Variants in CACHD1 observed in about 807,000 individuals in gnomAD.
CACHD1 encodes cache domain containing 1.
In CACHD1, 71 loss-of-function variants were observed where a neutral mutation model predicts 138.7. The ratio of observed to expected loss-of-function variants is 0.51; its 90% CI spans 0.42 to 0.62. The LOEUF (loss-of-function observed/expected upper bound fraction) is 0.62. Among genes scored for constraint, CACHD1 ranks in the 20% least tolerant of loss-of-function variants. The pLI is 0.00. For synonymous variants in CACHD1, 578 were observed against 591.5 expected (o/e 0.98, Z 0.33); for missense variants, 1,389 against 1,625.3 (o/e 0.85, Z 2.50).
intron 3 of CACHD1, among the ~76,000 whole-genome samples, chr1:64,587,969 C>G (rs967438037): frequency 6.6e-6 from 1 of 151,684 alleles, no homozygotes; most frequent in African/African-American, 2.4e-5. Context: ...TATCTCTCCT[C>G]TCTTGAAAAA....
intron 1 of CACHD1, among the ~76,000 whole-genome samples, chr1:64,522,659 G>T (rs1040768955): frequency 4.6e-5 from 7 of 152,042 alleles, no homozygotes; most frequent in African/African-American, 1.7e-4. Context: ...GGTGGTTGAA[G>T]GATACAGGGA....
At chr1:64,618,626 G>GT (rs1647799288) in intron 4 of CACHD1, among the ~76,000 whole-genome samples, 1 of 152,176 alleles carries the variant, frequency 6.6e-6, no homozygotes, top group Non-Finnish European at 1.5e-5. Flanking sequence ...TACTCAAGAT[G>GT]TAAGTGGGAA....
intron 26 of CACHD1, among the ~76,000 whole-genome samples, chr1:64,683,404 G>A (rs1455526991): frequency 6.6e-6 from 1 of 152,184 alleles, no homozygotes; most frequent in Non-Finnish European, 1.5e-5. Context: ...GGCTACTAAA[G>A]TTCAACAGAA....
At chr1:64,524,780 C>CATG (rs1002009885) in intron 1 of CACHD1, among the ~76,000 whole-genome samples, 2 of 152,140 alleles carry the variant, frequency 1.3e-5, no homozygotes, top group Non-Finnish European at 2.9e-5. Flanking sequence ...AGCAAAGACA[C>CATG]ATGATGATGA....
At chr1:64,514,932 A>C (rs1646448075) in intron 1 of CACHD1, among the ~76,000 whole-genome samples, 1 of 152,172 alleles carries the variant, frequency 6.6e-6, no homozygotes, top group African/African-American at 2.4e-5. Context: ...AGCAAAGTTG[A>C]CTGGTTCCTA....
chr1:64,658,654 C>A, intron 12 of CACHD1, 51 bp from the exon 13 acceptor site: 1 of 1,427,668 alleles, frequency 7.0e-7, no homozygotes. Context: ...AGTCCCTGTC[C>A]CCATGGAACC....
At chr1:64,632,263 A>G (rs1301703380) in intron 5 of CACHD1, among the ~76,000 whole-genome samples, 1 of 24,446 alleles carries the variant, frequency 4.1e-5, no homozygotes, top group Admixed American at 3.6e-4. Context: ...TCTGAAAAAA[A>G]AAAAAAAAAA....
chr1:64,591,242 A>G (rs904655784), intron 3 of CACHD1, among the ~76,000 whole-genome samples: 3 of 152,200 alleles, frequency 2.0e-5, no homozygotes, highest in African/African-American at 7.2e-5. Flanking sequence ...GGAATGGTTT[A>G]TGGAAGAAAC....
At chr1:64,512,522 T>G (rs1646429510) in intron 1 of CACHD1, among the ~76,000 whole-genome samples, 1 of 151,922 alleles carries the variant, frequency 6.6e-6, no homozygotes, top group South Asian at 2.1e-4. Context: ...GAGAGGCTAC[T>G]GCAGGCCAAC....
chr1:64,537,772 T>A (rs2100420079), intron 1 of CACHD1, among the ~76,000 whole-genome samples: 1 of 152,296 alleles, frequency 6.6e-6, no homozygotes, highest in East Asian at 1.9e-4. Flanking sequence ...ATGCAAGAAA[T>A]AAGTGCTATA....
chr1:64,660,561 G>A (rs1649408222), intron 13 of CACHD1, among the ~76,000 whole-genome samples: 2 of 148,406 alleles, frequency 1.3e-5, no homozygotes, highest in African/African-American at 5.0e-5. Context: ...AGGGAGTTTT[G>A]CTCTTGTCAC....
At chr1:64,505,603 G>A (rs4347243) in intron 1 of CACHD1, among the ~76,000 whole-genome samples, 79,091 of 115,276 alleles carry the variant, frequency 0.69, 26,458 homozygotes, top group East Asian at 0.81. Flanking sequence ...CCCTCCCTGG[G>A]CACACCCTAT....
At chr1:64,676,101 T>A (rs1404166256) in intron 21 of CACHD1, 118 bp downstream of exon 21, 1 of 342,980 alleles carries the variant, frequency 2.9e-6, no homozygotes, top group Non-Finnish European at 4.9e-6. Context: ...TAAAGATGAT[T>A]CATTCTAATG....
At chr1:64,483,500 A>C (rs771770499) in intron 1 of CACHD1, among the ~76,000 whole-genome samples, 36 of 151,946 alleles carry the variant, frequency 2.4e-4, no homozygotes, top group Non-Finnish European at 4.9e-4. Flanking sequence ...ATACATTGTA[A>C]ATTTTGAGTA....
At chr1:64,681,958 G>T (rs41309163) in intron 25 of CACHD1, 47 bp from the exon 26 acceptor site, 2 of 1,503,030 alleles carry the variant, frequency 1.3e-6, no homozygotes, top group South Asian at 2.3e-5. Context: ...TGAAACAATG[G>T]AGATACTGGC....
chr1:64,518,865 AGTTGGAGCCTTT>A (rs1461971381), intron 1 of CACHD1, among the ~76,000 whole-genome samples: 1 of 152,086 alleles, frequency 6.6e-6, no homozygotes, highest in Non-Finnish European at 1.5e-5. Context: ...ATTCCCTGGG[AGTTGGAGCCTTT>A]GTCTTTCTGT....
intron 3 of CACHD1, among the ~76,000 whole-genome samples, chr1:64,586,504 C>CT (rs59646985): frequency 0.044 from 6,708 of 151,534 alleles, 521 homozygotes; most frequent in African/African-American, 0.15. Context: ...TGGTTAAAAA[C>CT]TTTTTTTTTA....
intron 1 of CACHD1, among the ~76,000 whole-genome samples, chr1:64,530,567 A>C (rs1358587127): frequency 6.6e-6 from 1 of 151,910 alleles, no homozygotes; most frequent in Non-Finnish European, 1.5e-5. Context: ...CTTCCCTGGA[A>C]TGGTTACTTA....
intron 4 of CACHD1, among the ~76,000 whole-genome samples, chr1:64,609,669 CAT>C (rs1647460124): frequency 2.0e-5 from 3 of 152,096 alleles, no homozygotes; most frequent in African/African-American, 7.2e-5. Flanking sequence ...ATATACACAA[CAT>C]ATGTATATAA....
Sources: gnomAD v4.1 joint callset for allele counts (sites outside exome capture counted in the v4.1 genomes callset) on GRCh38, gnomAD v4.1.1 for gene constraint, MANE v1.5 for transcripts, NCBI Gene and HGNC (gene_info 2026-07-23, HGNC 2026-07-21) for gene names.